GBE1: variants seen among roughly 807,000 people sequenced by gnomAD.
GBE1 encodes 1,4-alpha-glucan branching enzyme 1, also known as 1,4-alpha-glucan-branching enzyme.
A neutral mutation model predicts 88.8 loss-of-function variants in GBE1; 70 were observed. The ratio of observed to expected loss-of-function variants is 0.79; its 90% CI spans 0.65 to 0.96. The LOEUF (loss-of-function observed/expected upper bound fraction) is 0.96, where lower values mean the gene tolerates loss of function less well. GBE1 is among the 40% of genes least tolerant of loss of function. GBE1 has a pLI of 0.00. For missense variants in GBE1, 872 were observed against 871.0 expected, an observed-to-expected ratio of 1.00 and a Z score of -0.01; for synonymous variants, 284 against 300.1, an observed-to-expected ratio of 0.95 and a Z score of 0.56.
intron 14 of GBE1, among the ~76,000 whole-genome samples, chr3:81,507,347 G>A (rs898170267): frequency 2.6e-5 from 4 of 152,028 alleles, no homozygotes; most frequent in Admixed American, 6.5e-5. Flanking sequence ...GGCAGATCAC[G>A]AGGTCAGGAG....
chr3:81,594,704 T>C (rs1281155164), intron 7 of GBE1, among the ~76,000 whole-genome samples: 2 of 151,972 alleles, frequency 1.3e-5, no homozygotes, highest in Non-Finnish European at 2.9e-5. Flanking sequence ...GTTTTATGAG[T>C]TTAAGAGTCC....
intron 7 of GBE1, among the ~76,000 whole-genome samples, chr3:81,601,908 G>T (rs1046374373): frequency 6.6e-6 from 1 of 152,164 alleles, no homozygotes; most frequent in African/African-American, 2.4e-5. Context: ...AATGCCAGGT[G>T]CTAGGGACAC....
intron 14 of GBE1, among the ~76,000 whole-genome samples, chr3:81,526,217 T>G (rs189529563): frequency 6.6e-6 from 1 of 152,158 alleles, no homozygotes; most frequent in East Asian, 1.9e-4. Flanking sequence ...GTCCCACAGA[T>G]TCTGGTATGT....
rs1327546893 is a variant in GBE1 at position 81,612,242 on chromosome 3, A to AAAAG, written c.993-18220_993-18219insCTTT. The AAAAG allele has an allele frequency of 1.4e-4, 76 of 532,236 alleles. 2 individuals are homozygous for AAAAG. The highest frequency in any genetic ancestry group is 2.0e-4 in the Non-Finnish European group (70 of 347,002). The allele number at this position is 532,236 out of a possible 1,614,324, so 33.0% of individuals were successfully genotyped here. The stretch of plus-strand genomic sequence containing the variant: ...CTTTAAAAAAAAAAAAAAAAAAAAA[A>AAAAG]ACTTAAAGAAGCTCTCTGGTTCCTC... On this transcript the variant is annotated intron_variant, in intron 7 of 15. Transcript: ENST00000429644.
At chr3:81,603,586 C>T (rs1704061371) in intron 7 of GBE1, among the ~76,000 whole-genome samples, 1 of 152,084 alleles carries the variant, frequency 6.6e-6, no homozygotes, top group South Asian at 2.1e-4. Flanking sequence ...CCTCTGCCTC[C>T]CAGGTTCAAG....
At chr3:81,555,993 G>T (rs1407745205) in intron 12 of GBE1, among the ~76,000 whole-genome samples, 1 of 152,012 alleles carries the variant, frequency 6.6e-6, no homozygotes, top group Non-Finnish European at 1.5e-5. Context: ...CTTCCTTCTG[G>T]TTTAGAGCTT....
chr3:81,585,588 G>A (rs896412247), intron 10 of GBE1, among the ~76,000 whole-genome samples: 11 of 152,076 alleles, frequency 7.2e-5, no homozygotes, highest in Admixed American at 7.2e-4. Flanking sequence ...GATGTGCAAA[G>A]TACCATGTAC....
chr3:81,746,223 T>C (rs1319670210), intron 1 of GBE1, among the ~76,000 whole-genome samples: 2 of 152,182 alleles, frequency 1.3e-5, no homozygotes, highest in Non-Finnish European at 2.9e-5. Flanking sequence ...TGAAGACTGA[T>C]ACTGTGAAAT....
At chr3:81,697,170 G>A (rs1348269196) in intron 2 of GBE1, among the ~76,000 whole-genome samples, 1 of 152,164 alleles carries the variant, frequency 6.6e-6, no homozygotes, top group African/African-American at 2.4e-5. Flanking sequence ...GGTTCAATTA[G>A]TTTGCTGGAG....
At chr3:81,635,924 T>C (rs76886246) in intron 7 of GBE1, among the ~76,000 whole-genome samples, 2,307 of 152,250 alleles carry the variant, frequency 0.015, 77 homozygotes, top group African/African-American at 0.053. Context: ...TATAGGTGAG[T>C]AAGACGTAAA....
chr3:81,517,653 T>A (rs1702814482), intron 14 of GBE1, among the ~76,000 whole-genome samples: 1 of 151,458 alleles, frequency 6.6e-6, no homozygotes, highest in Non-Finnish European at 1.5e-5. Context: ...AGCAAGCACA[T>A]CATAGTATAA....
chr3:81,562,866 CT>C (rs559665731), intron 12 of GBE1, among the ~76,000 whole-genome samples: 660 of 142,906 alleles, frequency 4.6e-3, no homozygotes, highest in African/African-American at 7.4e-3. Context: ...TCACTTTCAT[CT>C]TTTTTTTTTT....
intron 13 of GBE1, 59 bp from the exon 14 acceptor site, chr3:81,535,384 A>G: frequency 1.3e-6 from 2 of 1,499,098 alleles, no homozygotes; most frequent in East Asian, 2.3e-5. Context: ...CTACAAGTAC[A>G]TTATTTTTTG....
chr3:81,714,456 A>G (rs1207740427), intron 1 of GBE1, among the ~76,000 whole-genome samples: 1 of 152,214 alleles, frequency 6.6e-6, no homozygotes, highest in Non-Finnish European at 1.5e-5. Context: ...ATGTGAAATA[A>G]TGAATACACT....
intron 8 of GBE1, among the ~76,000 whole-genome samples, chr3:81,592,862 A>G (rs1703898608): frequency 5.3e-5 from 8 of 152,082 alleles, no homozygotes; most frequent in Non-Finnish European, 1.5e-5. Context: ...GATATCAATA[A>G]AATCTGTTGT....
intron 8 of GBE1, among the ~76,000 whole-genome samples, chr3:81,592,149 G>A (rs1003901348): frequency 6.6e-6 from 1 of 152,004 alleles, no homozygotes; most frequent in African/African-American, 2.4e-5. Context: ...ATGTGTGTGT[G>A]CGCGCGTGTG....
At chr3:81,759,493 G>A (rs1334042770) in intron 1 of GBE1, among the ~76,000 whole-genome samples, 1 of 152,232 alleles carries the variant, frequency 6.6e-6, no homozygotes, top group Non-Finnish European at 1.5e-5. Flanking sequence ...AGACCAGATT[G>A]TATGAAGGAA....
chr3:81,750,591 A>ATG (rs1559708576), intron 1 of GBE1, among the ~76,000 whole-genome samples: 21 of 51,956 alleles, frequency 4.0e-4, no homozygotes, highest in East Asian at 2.5e-3. Flanking sequence ...ATATATACGT[A>ATG]TATATATATG....
At chr3:81,624,587 C>A (rs2107019765) in intron 7 of GBE1, among the ~76,000 whole-genome samples, 1 of 152,002 alleles carries the variant, frequency 6.6e-6, no homozygotes, top group Middle Eastern at 3.4e-3. Flanking sequence ...TTCTGAAAAC[C>A]AAAATATTAA....
Sources: allele counts gnomAD v4.1 joint callset (sites outside exome capture counted in the v4.1 genomes callset), GRCh38; gene constraint gnomAD v4.1.1; transcripts MANE v1.5; gene names NCBI Gene and HGNC (gene_info 2026-07-23, HGNC 2026-07-21).